Variants in SENP7 observed in about 807,000 individuals in gnomAD.
The protein encoded by SENP7 is SUMO specific peptidase 7.
In SENP7, 64 loss-of-function variants were observed where a neutral mutation model predicts 141.2. The observed-to-expected ratio is 0.45, with a 90% CI of 0.37 to 0.56. The LOEUF (loss-of-function observed/expected upper bound fraction) is 0.56, where lower values mean the gene tolerates loss of function less well. SENP7 is among the 20% of genes least tolerant of loss of function. The pLI is 0.00. For missense variants in SENP7, 1,025 were observed against 1,212.2 expected (o/e 0.85, Z 2.29); for synonymous variants, 382 against 426.4 (o/e 0.90, Z 1.28).
chr3:101,447,610 T>A (rs1163920482), intron 4 of SENP7, among the ~76,000 whole-genome samples: 1 of 152,018 alleles, frequency 6.6e-6, no homozygotes, highest in East Asian at 1.9e-4. Context: ...TGGAAAGACA[T>A]CCCATGTTTA....
chr3:101,364,702 AGTT>A (rs2059990236), intron 10 of SENP7, 129 bp downstream of exon 10: 1 of 583,558 alleles, frequency 1.7e-6, no homozygotes, highest in African/African-American at 2.0e-5. Context: ...CTACTATAAA[AGTT>A]GTCTGAAAAT....
At chr3:101,354,004 T>C (rs1034748172) in intron 11 of SENP7, among the ~76,000 whole-genome samples, 1 of 152,014 alleles carries the variant, frequency 6.6e-6, no homozygotes, top group Non-Finnish European at 1.5e-5. Flanking sequence ...CTGAACTGTC[T>C]GAAAAAGAAT....
At chr3:101,444,193 T>C (rs1361489838) in intron 4 of SENP7, among the ~76,000 whole-genome samples, 2 of 131,788 alleles carry the variant, frequency 1.5e-5, no homozygotes, top group Non-Finnish European at 3.3e-5. Context: ...CACAGTGAGA[T>C]ACCATCTCAC....
At chr3:101,356,641 T>C (rs1355248505) in intron 11 of SENP7, among the ~76,000 whole-genome samples, 2 of 152,222 alleles carry the variant, frequency 1.3e-5, no homozygotes, top group African/African-American at 4.8e-5. Flanking sequence ...AGAATCAATT[T>C]TGAATTAAAT....
chr3:101,456,834 C>T (rs141709251), intron 4 of SENP7, among the ~76,000 whole-genome samples: 1 of 152,234 alleles, frequency 6.6e-6, no homozygotes, highest in Non-Finnish European at 1.5e-5. Context: ...GCCATGTTGC[C>T]TAAGCCGTAC....
At chr3:101,382,176 C>A (rs1243121108) in intron 6 of SENP7, among the ~76,000 whole-genome samples, 1 of 152,016 alleles carries the variant, frequency 6.6e-6, no homozygotes, top group African/African-American at 2.4e-5. Flanking sequence ...AAATATTTTT[C>A]TTCTTTTTTT....
At chr3:101,508,082 C>G (rs1050439716) in intron 1 of SENP7, among the ~76,000 whole-genome samples, 13 of 149,396 alleles carry the variant, frequency 8.7e-5, no homozygotes, top group African/African-American at 3.2e-4. Context: ...TGGATATATT[C>G]CCTTGCCCAT....
Position 101,513,197 on chromosome 3 carries a change from GA to G in SENP7, c.-68del. On this transcript the variant is annotated 5_prime_UTR_variant, in exon 1 of 24. Transcript: ENST00000394095. ...TCAGGACCCCTCCGGCTTGGAGAGGGAGGGGGAGGGGAAAGGAAAAAAAAAA... is the reference window on the plus strand; with the variant it reads ...TCAGGACCCCTCCGGCTTGGAGAGGGGGGGGAGGGGAAAGGAAAAAAAAAA... 1.6e-5 allele frequency: 12 copies of G among 746,152 alleles called. No homozygotes were observed. Among genetic ancestry groups the G allele is most frequent in the South Asian group, 3.2e-5 (2 of 61,608 alleles). 46.2% of individuals were successfully genotyped at this position (746,152 alleles called of 1,614,324 possible).
intron 4 of SENP7, among the ~76,000 whole-genome samples, chr3:101,447,300 A>G (rs139867618): frequency 2.4e-4 from 36 of 152,156 alleles, no homozygotes; most frequent in African/African-American, 8.2e-4. Flanking sequence ...AAAATTGGCC[A>G]AGCGTGGTGG....
At chr3:101,409,100 A>G (rs2061384390) in intron 5 of SENP7, among the ~76,000 whole-genome samples, 1 of 152,208 alleles carries the variant, frequency 6.6e-6, no homozygotes, top group Admixed American at 6.5e-5. Flanking sequence ...ATACAAGATT[A>G]ATGTACATAA....
intron 5 of SENP7, among the ~76,000 whole-genome samples, chr3:101,400,925 T>A (rs2061119533): frequency 6.6e-6 from 1 of 151,818 alleles, no homozygotes; most frequent in Non-Finnish European, 1.5e-5. Flanking sequence ...CAAGACTCCA[T>A]CTCTACAAAA....
chr3:101,412,749 GTTCT>G (rs1308249605), intron 5 of SENP7, among the ~76,000 whole-genome samples: 5 of 152,020 alleles, frequency 3.3e-5, no homozygotes, highest in African/African-American at 1.2e-4. Flanking sequence ...GTCCCACTAG[GTTCT>G]TTCTTTCCTA....
intron 7 of SENP7, 150 bp from the exon 8 acceptor site, chr3:101,368,161 G>T: frequency 1.7e-6 from 1 of 587,510 alleles, no homozygotes; most frequent in Non-Finnish European, 2.9e-6. Flanking sequence ...TACTGACACT[G>T]GATGAAGGTA....
intron 3 of SENP7, among the ~76,000 whole-genome samples, chr3:101,482,707 A>T (rs1396871935): frequency 6.6e-6 from 1 of 151,926 alleles, no homozygotes; most frequent in Non-Finnish European, 1.5e-5. Context: ...GTGAAAGAAT[A>T]TTTTTTTATT....
At position 101,341,766 on chromosome 3, in the gene SENP7, T is replaced by C; in HGVS notation, c.2120A>G (p.Asp707Gly). 1 of 1,604,504 alleles carries C rather than the reference T, an allele frequency of 6.2e-7. No individual in the cohort carries two copies. Among genetic ancestry groups the C allele is most frequent in the African/African-American group, 1.3e-5 (1 of 74,982 alleles). The change falls in exon 15 of 24, where the codon GAT becomes GGT. Residue 707 changes from aspartate (D) to glycine (G), a missense_variant. Physicochemically the swap from Asp to Gly is moderately conservative, Grantham distance 94. Coordinates refer to ENST00000394095, the MANE Select transcript of SENP7 (RefSeq NM_020654.5). ...GAAGGTGTAAGTAGGCTTGGCCGCA[T>C]CTGTGTTTGAGGGCTGACAGAAAGT... ...LKSVSQPSNTDAAKPTYTFLQ... is the reference protein window; with the variant it reads ...LKSVSQPSNTGAAKPTYTFLQ...
chr3:101,359,976 G>A (rs570869510), intron 11 of SENP7, among the ~76,000 whole-genome samples: 109 of 151,668 alleles, frequency 7.2e-4, no homozygotes, highest in African/African-American at 2.3e-3. Context: ...TCCTTCCCCC[G>A]GCTAATCATC....
chr3:101,495,116 A>G (rs1022144338), intron 2 of SENP7, among the ~76,000 whole-genome samples: 1 of 152,238 alleles, frequency 6.6e-6, no homozygotes, highest in Non-Finnish European at 1.5e-5. Context: ...GGCAAAGGAT[A>G]TGAACAAACA....
intron 4 of SENP7, among the ~76,000 whole-genome samples, chr3:101,448,927 C>T (rs955195840): frequency 6.6e-6 from 1 of 151,948 alleles, no homozygotes; most frequent in Non-Finnish European, 1.5e-5. Flanking sequence ...CAAACTACTC[C>T]GAGCTAAAGG....
At chr3:101,508,208 C>T (rs1167755373) in intron 1 of SENP7, among the ~76,000 whole-genome samples, 1 of 152,080 alleles carries the variant, frequency 6.6e-6, no homozygotes. Context: ...AGCACTAAAA[C>T]ATCCATTAAT....
Sources: gnomAD v4.1 joint callset for allele counts (sites outside exome capture counted in the v4.1 genomes callset) on GRCh38, gnomAD v4.1.1 for gene constraint, MANE v1.5 for transcripts, NCBI Gene and HGNC (gene_info 2026-07-23, HGNC 2026-07-21) for gene names.